ERCC6L2: variants seen among roughly 807,000 people sequenced by gnomAD.
The protein encoded by ERCC6L2 is DNA excision repair protein ERCC-6-like 2.
A neutral mutation model predicts 132.0 loss-of-function variants in ERCC6L2; 77 were observed. That is an observed-to-expected ratio of 0.58 (90% CI 0.49 to 0.71). ERCC6L2 has a LOEUF of 0.71. ERCC6L2 is among the 30% of genes least tolerant of loss of function. ERCC6L2 has a pLI of 0.00. For missense variants in ERCC6L2, 1,542 were observed against 1,837.6 expected (o/e 0.84, Z 2.94); for synonymous variants, 583 against 632.4 (o/e 0.92, Z 1.17).
intron 19 of ERCC6L2, among the ~76,000 whole-genome samples, chr9:96,035,716 T>C (rs1485552855): frequency 6.6e-6 from 1 of 152,234 alleles, no homozygotes; most frequent in African/African-American, 2.4e-5. Context: ...CATACCTCAG[T>C]TACCTCATTG....
chr9:95,965,564 A>G (rs1479248482), intron 13 of ERCC6L2, among the ~76,000 whole-genome samples: 3 of 152,048 alleles, frequency 2.0e-5, no homozygotes, highest in Non-Finnish European at 2.9e-5. Context: ...GCTGGAGTGC[A>G]GTGGCGCCAC....
At position 96,013,099 on chromosome 9, in the gene ERCC6L2, G is replaced by A. The variant is rs764282552; in HGVS notation, c.4549G>A (p.Glu1517Lys). Residue 1517 changes from glutamate to lysine, a missense_variant, in exon 19 of 19, where the codon GAG becomes AAG. Around this residue, in one of 4 missense-constraint regions of ERCC6L2, gnomAD observed 442 missense variants for 583.4 expected, o/e 0.76. Coordinates refer to ENST00000653738, the MANE Select transcript of ERCC6L2 (RefSeq NM_020207.7). ...AGCAGCACCCTTTAAAAGGAGAGAA[G>A]AGCCAGCAACTTCTCTTTGGAAATC... is the stretch of plus-strand genomic sequence containing the variant. ...PLAAPFKRRE[E>K]PATSLWKSNE... 2 of 1,367,632 alleles carry A rather than the reference G, an allele frequency of 1.5e-6. No individual in the cohort carries two copies. Among genetic ancestry groups the A allele is most frequent in the Non-Finnish European group, 2.0e-6 (2 of 1,021,854 alleles). The allele number at this position is 1,367,632 out of a possible 1,614,324, so 84.7% of individuals were successfully genotyped here.
chr9:95,903,987 T>C (rs2132641781), intron 3 of ERCC6L2, among the ~76,000 whole-genome samples: 1 of 152,230 alleles, frequency 6.6e-6, no homozygotes, highest in South Asian at 2.1e-4. Context: ...TACAAAGGAC[T>C]TGGAAGAGCC....
At chr9:95,914,568 G>A (rs1829491725) in intron 4 of ERCC6L2, among the ~76,000 whole-genome samples, 1 of 152,020 alleles carries the variant, frequency 6.6e-6, no homozygotes, top group African/African-American at 2.4e-5. Context: ...TGGCCAGGAT[G>A]GTCTTGATTT....
At chr9:95,938,220 C>G (rs1587939743) in intron 11 of ERCC6L2, among the ~76,000 whole-genome samples, 1 of 151,674 alleles carries the variant, frequency 6.6e-6, no homozygotes, top group Non-Finnish European at 1.5e-5. Flanking sequence ...TCAGTATATA[C>G]CAGTATAGTT....
intron 3 of ERCC6L2, among the ~76,000 whole-genome samples, chr9:95,902,399 C>G (rs1218302488): frequency 6.6e-6 from 1 of 152,022 alleles, no homozygotes; most frequent in Non-Finnish European, 1.5e-5. Flanking sequence ...TTGTAGCAAT[C>G]ACAACACCAG....
chr9:96,020,238 A>G (rs777098147), downstream of ERCC6L2: 4 of 161,066 alleles, frequency 2.5e-5, no homozygotes, highest in African/African-American at 9.6e-5. Flanking sequence ...AACCACCTCC[A>G]TGATTCAATT....
intron 17 of ERCC6L2, among the ~76,000 whole-genome samples, chr9:95,987,951 A>G (rs1180197571): frequency 6.6e-6 from 1 of 152,148 alleles, no homozygotes; most frequent in African/African-American, 2.4e-5. Flanking sequence ...GCTCAACACC[A>G]CGTGGAAGCT....
At chr9:95,900,141 T>A (rs1291662991) in intron 3 of ERCC6L2, among the ~76,000 whole-genome samples, 1 of 152,128 alleles carries the variant, frequency 6.6e-6, no homozygotes. Flanking sequence ...ATCCCAGCAC[T>A]TTGGGAGGCT....
intron 19 of ERCC6L2, among the ~76,000 whole-genome samples, chr9:96,036,762 TATTTTTATTTA>T (rs1588070844): frequency 7.1e-6 from 1 of 140,858 alleles, no homozygotes; most frequent in East Asian, 2.1e-4. Context: ...TTATTATTAT[TATTTTTATTTA>T]TTTTTTTTTT....
intron 17 of ERCC6L2, among the ~76,000 whole-genome samples, chr9:95,993,026 A>G (rs1190495850): frequency 6.6e-6 from 1 of 152,214 alleles, no homozygotes; most frequent in Non-Finnish European, 1.5e-5. Flanking sequence ...TCAAGGCTAC[A>G]AGATGTGATG....
chr9:96,032,675 C>T (rs76148547), intron 19 of ERCC6L2, among the ~76,000 whole-genome samples: 31 of 152,332 alleles, frequency 2.0e-4, no homozygotes, highest in African/African-American at 7.5e-4. Flanking sequence ...GAACCAGTTG[C>T]TGCCTCACCA....
Position 95,897,879 on chromosome 9 carries a change from A to G in ERCC6L2, c.502A>G (p.Lys168Glu), listed in dbSNP as rs775665068. ...TTCATTTCTGGCTGCAGTTTTGCATAAAAAGGGAACTCGTGAGGATATTGA... is the reference window on the plus strand; with the variant it reads ...TTCATTTCTGGCTGCAGTTTTGCATGAAAAGGGAACTCGTGAGGATATTGA... ...VISFLAAVLH[K>E]KGTREDIENN... Residue 168 changes from lysine to glutamate, a missense_variant, in exon 3 of 19, where the codon AAA becomes GAA. By Grantham distance (56) the Lys-to-Glu change is moderately conservative (BLOSUM62 1). Around this residue, in one of 4 missense-constraint regions of ERCC6L2, gnomAD observed 945 missense variants for 1,105.2 expected, o/e 0.86. Coordinates refer to ENST00000653738, the MANE Select transcript of ERCC6L2 (RefSeq NM_020207.7). 6.2e-7 allele frequency: 1 copy of G among 1,612,380 alleles called. No individual in the cohort carries two copies. The highest frequency in any genetic ancestry group is 1.1e-5 in the South Asian group (1 of 90,838).
chr9:95,918,707 C>G (rs1829719213), intron 6 of ERCC6L2: 1 of 188,694 alleles, frequency 5.3e-6, no homozygotes, highest in Admixed American at 6.0e-5. Flanking sequence ...AAGACTAGAG[C>G]AGAAAAATGT....
chr9:95,921,750 AATTT>A (rs1480304323), intron 7 of ERCC6L2, among the ~76,000 whole-genome samples: 1 of 152,158 alleles, frequency 6.6e-6, no homozygotes, highest in Non-Finnish European at 1.5e-5. Context: ...AAAGAAACAA[AATTT>A]ATTTGTACTT....
intron 2 of ERCC6L2, among the ~76,000 whole-genome samples, chr9:95,882,714 T>TG (rs1827657988): frequency 1.3e-5 from 2 of 152,128 alleles, no homozygotes; most frequent in African/African-American, 4.8e-5. Flanking sequence ...AGGTCTGGTG[T>TG]GAAAAACTAG....
At chr9:95,970,141 G>C (rs1389711839) in intron 14 of ERCC6L2, among the ~76,000 whole-genome samples, 1 of 152,078 alleles carries the variant, frequency 6.6e-6, no homozygotes, top group Non-Finnish European at 1.5e-5. Flanking sequence ...AATAAATATA[G>C]TAACAATATA....
chr9:95,875,952 C>A lies in ERCC6L2; in HGVS notation c.-87C>A, dbSNP rs1339878838. The A allele has an allele frequency of 6.9e-7, 1 of 1,446,002 alleles. No individual in the cohort carries two copies. Among genetic ancestry groups the A allele is most frequent in the Non-Finnish European group, 9.4e-7 (1 of 1,061,132 alleles). 89.6% of individuals were successfully genotyped at this position (1,446,002 alleles called of 1,614,324 possible). ...GGCGGCCGGAAGTGGCGTTGGCCGCCATTGGCCTGCCGGCCAGCCACCTTG... is the reference window on the plus strand; with the variant it reads ...GGCGGCCGGAAGTGGCGTTGGCCGCAATTGGCCTGCCGGCCAGCCACCTTG... On this transcript the variant is annotated 5_prime_UTR_variant, in exon 1 of 19. Transcript: ENST00000653738.
intron 17 of ERCC6L2, among the ~76,000 whole-genome samples, chr9:95,992,423 T>C (rs1665635921): frequency 6.6e-6 from 1 of 152,204 alleles, no homozygotes; most frequent in Admixed American, 6.5e-5. Flanking sequence ...AATTCACTTC[T>C]AGCAGGATAT....
Sources: gnomAD v4.1 joint callset for allele counts (sites outside exome capture counted in the v4.1 genomes callset) on GRCh38, gnomAD v4.1.1 for gene constraint, gnomAD v4.1.1 regional missense constraint, MANE v1.5 for transcripts, NCBI Gene and HGNC (gene_info 2026-07-23, HGNC 2026-07-21) for gene names.